PLSCR5: variants seen among roughly 807,000 people sequenced by gnomAD.
The protein encoded by PLSCR5 is phospholipid scramblase family, member 5.
PLSCR5 carries 44 observed loss-of-function variants against 33.6 expected under a neutral mutation model. The ratio of observed to expected loss-of-function variants is 1.31; its 90% CI spans 1.03 to 1.69. The LOEUF (loss-of-function observed/expected upper bound fraction) is 1.69. Ranked by LOEUF, PLSCR5 falls within the 40% of genes most tolerant of loss-of-function variation. The probability of loss-of-function intolerance (pLI) is 0.00; values close to 1 mark genes in which losing one functional copy is unlikely to be tolerated. For missense variants in PLSCR5, 375 were observed against 318.7 expected (o/e 1.18, Z -1.34); for synonymous variants, 148 against 112.3 (o/e 1.32, Z -2.01).
intron 2 of PLSCR5, among the ~76,000 whole-genome samples, chr3:146,599,650 T>C (rs567411577): frequency 1.3e-5 from 2 of 150,114 alleles, no homozygotes; most frequent in Non-Finnish European, 3.0e-5. Flanking sequence ...TGTAGATGAC[T>C]AGATATGTTA....
chr3:146,586,528 A>G (rs1176338578), intron 6 of PLSCR5, among the ~76,000 whole-genome samples: 1 of 152,192 alleles, frequency 6.6e-6, no homozygotes, highest in Non-Finnish European at 1.5e-5. Flanking sequence ...ATTAGACTGT[A>G]TGCATTCTGG....
chr3:146,577,474 A>T lies in PLSCR5; in HGVS notation c.*45-749T>A, dbSNP rs556931203. On this transcript the variant is annotated intron_variant, in intron 7 of 7. Coordinates refer to the PLSCR5 transcript ENST00000482567. ...TTGTGTACTGATGGTTTAGCTCTTA[A>T]ATGACAAATAGAAAATCAGAGTTGG... Among the ~76,000 whole-genome samples, 5 of 152,270 alleles carry T rather than the reference A, an allele frequency of 3.3e-5. No individual in the cohort carries two copies. The South Asian group carries it at 6.2e-4, about 19-fold the overall frequency.
intron 7 of PLSCR5, among the ~76,000 whole-genome samples, chr3:146,579,169 C>T (rs1363063744): frequency 2.0e-5 from 3 of 151,868 alleles, no homozygotes; most frequent in Non-Finnish European, 2.9e-5. Context: ...TCCATTTACA[C>T]TTATTTAGAG....
Position 146,591,992 on chromosome 3 carries a change from A to G in PLSCR5, c.454-111T>C, listed in dbSNP as rs2044720141. ...TATACTGTTATAAAATTATTTTGATATTCTACAAATCATTCTAAATACCTG... is the reference window on the plus strand; with the variant it reads ...TATACTGTTATAAAATTATTTTGATGTTCTACAAATCATTCTAAATACCTG... On this transcript the variant is annotated intron_variant, in intron 4 of 7. Transcript: ENST00000443512. 3 of 958,012 alleles carry G rather than the reference A, an allele frequency of 3.1e-6. No homozygotes were observed. The East Asian group carries it at 8.3e-5, about 26-fold the overall frequency. The allele number at this position is 958,012 out of a possible 1,614,324, so 59.3% of individuals were successfully genotyped here.
chr3:146,591,809 A>T lies in PLSCR5; in HGVS notation c.526T>A (p.Phe176Ile). 1.2e-6 allele frequency: 2 copies of T among 1,612,426 alleles called. No homozygotes were observed. Among genetic ancestry groups the T allele is most frequent in the Non-Finnish European group, 1.7e-6 (2 of 1,179,010 alleles). Residue 176 changes from phenylalanine to isoleucine, a missense_variant, in exon 5 of 8, where the codon TTC (phenylalanine) becomes ATC (isoleucine). By Grantham distance (21) the Phe-to-Ile change is conservative (BLOSUM62 0). Transcript: ENST00000443512. ...TQKWDPFLPK[F>I]TIQNANKEDI... ...TCTTTGTTTGCATTTTGGATTGTGAATTTAGGCAGAAAGGGGTCCCACTTC... is the reference window on the plus strand; with the variant it reads ...TCTTTGTTTGCATTTTGGATTGTGATTTTAGGCAGAAAGGGGTCCCACTTC...
At chr3:146,596,092 T>C (rs1182625702) in intron 2 of PLSCR5, among the ~76,000 whole-genome samples, 1 of 152,012 alleles carries the variant, frequency 6.6e-6, no homozygotes, top group African/African-American at 2.4e-5. Flanking sequence ...CCACAGATAA[T>C]TGAGAAATGA....
intron 6 of PLSCR5, among the ~76,000 whole-genome samples, chr3:146,588,252 C>T (rs554116216): frequency 7.2e-5 from 11 of 152,096 alleles, no homozygotes; most frequent in East Asian, 5.8e-4. Flanking sequence ...GGGTGGATCA[C>T]GAGGTCAGAA....
At chr3:146,584,341 A>G (rs962398215), downstream of PLSCR5, among the ~76,000 whole-genome samples, 2 of 152,166 alleles carry the variant, frequency 1.3e-5, no homozygotes, top group Non-Finnish European at 2.9e-5. Context: ...GAGATCCCCA[A>G]AGATCACAGT....
At chr3:146,584,861 G>A (rs1241571239), downstream of PLSCR5, among the ~76,000 whole-genome samples, 3 of 152,100 alleles carry the variant, frequency 2.0e-5, no homozygotes, top group Admixed American at 2.0e-4. Context: ...GACTAACTTA[G>A]TAACAGATGT....
At chr3:146,604,356 T>C (rs1487992743) in intron 1 of PLSCR5, among the ~76,000 whole-genome samples, 3 of 152,098 alleles carry the variant, frequency 2.0e-5, no homozygotes, top group African/African-American at 4.8e-5. Context: ...GATAACGTAA[T>C]GATATTTTTG....
intron 1 of PLSCR5, among the ~76,000 whole-genome samples, chr3:146,601,091 G>T (rs1041175793): frequency 2.6e-5 from 4 of 150,950 alleles, no homozygotes; most frequent in African/African-American, 9.7e-5. Context: ...CATAATCAAA[G>T]AATTCTATAA....
intron 5 of PLSCR5, among the ~76,000 whole-genome samples, 189 bp downstream of exon 5, chr3:146,591,531 C>T (rs1416224037): frequency 6.6e-6 from 1 of 151,886 alleles, no homozygotes; most frequent in African/African-American, 2.4e-5. Flanking sequence ...AATCCTTGGA[C>T]TTTATATCTC....
chr3:146,593,821 C>G, intron 4 of PLSCR5, 99 bp downstream of exon 4: 1 of 1,066,796 alleles, frequency 9.4e-7, no homozygotes. Context: ...ATTAAAACAA[C>G]TGGCAGGTTA....
At chr3:146,579,888 GCAACCTCTT>G (rs1448828551) in intron 7 of PLSCR5, among the ~76,000 whole-genome samples, 1 of 152,188 alleles carries the variant, frequency 6.6e-6, no homozygotes, top group East Asian at 1.9e-4. Flanking sequence ...CTGATCTTAT[GCAACCTCTT>G]CATTCTTCAT....
At chr3:146,580,615 T>C (rs894991587) in intron 7 of PLSCR5, among the ~76,000 whole-genome samples, 4 of 151,824 alleles carry the variant, frequency 2.6e-5, no homozygotes, top group African/African-American at 9.7e-5. Context: ...CAGGCCACGC[T>C]GCCATGCCCA....
At chr3:146,596,045 T>C (rs993475249) in intron 2 of PLSCR5, among the ~76,000 whole-genome samples, 5 of 152,240 alleles carry the variant, frequency 3.3e-5, no homozygotes, top group African/African-American at 1.2e-4. Context: ...TTGACTTATG[T>C]AATTAAAAAT....
At chr3:146,593,491 T>C (rs17367469) in intron 4 of PLSCR5, among the ~76,000 whole-genome samples, 11,546 of 152,220 alleles carry the variant, frequency 0.076, 495 homozygotes, top group East Asian at 0.16. Context: ...GTAAATGCAT[T>C]GTGAGATTCC....
rs17354112 is a variant in PLSCR5, at chr3:146,579,994, G to T, written c.*45-3269C>A. Among the ~76,000 whole-genome samples the T allele has an allele frequency of 9.9e-3, 1,501 of 152,278 alleles. 10 individuals carry two copies. Among genetic ancestry groups the T allele is most frequent in the Non-Finnish European group, 0.014 (985 of 68,014 alleles). ...TGTTCTCCCAGCCAAACACTTCCTA[G>T]CTTTGACCCCACTTAGCATGGAAGA... On this transcript the variant is annotated intron_variant, in intron 7 of 7. Coordinates refer to the PLSCR5 transcript ENST00000482567.
At position 146,594,150 on chromosome 3, in the gene PLSCR5, CAAAAAAAAAATTATA is replaced by C; in HGVS notation, c.233-25_233-11del. On this transcript the variant is annotated splice_polypyrimidine_tract_variant and intron_variant, in intron 3 of 7. Coordinates refer to ENST00000443512, the MANE Select transcript of PLSCR5 (RefSeq NM_001085420.2). Reference sequence around the variant, plus strand: ...TCAGTACCAAGTATCACTAATGGAACAAAAAAAAAATTATAAAAACATTTTTTTCCTTAGTATTGA... The same window carrying C: ...TCAGTACCAAGTATCACTAATGGAACAAAACATTTTTTTCCTTAGTATTGA... 1 of 1,492,532 alleles carries C rather than the reference CAAAAAAAAAATTATA, an allele frequency of 6.7e-7. No individual in the cohort carries two copies. The highest frequency in any genetic ancestry group is 1.2e-5 in the South Asian group (1 of 81,110). 92.5% of individuals were successfully genotyped at this position (1,492,532 alleles called of 1,614,324 possible). A position where few individuals can be genotyped will look rare whatever the true frequency, so the allele number is the denominator to read the frequency against.
Sources: gnomAD v4.1 joint callset for allele counts (sites outside exome capture counted in the v4.1 genomes callset) on GRCh38, gnomAD v4.1.1 for gene constraint, MANE v1.5 for transcripts, NCBI Gene and HGNC (gene_info 2026-07-23, HGNC 2026-07-21) for gene names.